Variants in ZNF577 observed in about 807,000 individuals in gnomAD.
ZNF577 encodes zinc finger protein 577.
A neutral mutation model predicts 13.9 loss-of-function variants in ZNF577; 14 were observed. The observed-to-expected ratio is 1.00, with a 90% CI of 0.66 to 1.57. ZNF577 has a LOEUF of 1.57. Ranked by LOEUF, ZNF577 falls within the 40% of genes most tolerant of loss-of-function variation. The pLI, the probability that ZNF577 is intolerant of heterozygous loss-of-function variation, is 0.00. For synonymous variants in ZNF577, 203 were observed against 202.9 expected, an observed-to-expected ratio of 1.00 and a Z score of 0.00; for missense variants, 555 against 579.2, an observed-to-expected ratio of 0.96 and a Z score of 0.43.
At chr19:51,838,242 TC>T (rs1459796700) in intron 9 of ZNF577, among the ~76,000 whole-genome samples, 4 of 152,300 alleles carry the variant, frequency 2.6e-5, no homozygotes, top group Admixed American at 1.3e-4. Context: ...AGTGCATATT[TC>T]TAAAAATCAA....
chr19:51,814,266 A>G (rs1758285583), intron 9 of ZNF577, among the ~76,000 whole-genome samples: 1 of 152,150 alleles, frequency 6.6e-6, no homozygotes, highest in Admixed American at 6.5e-5. Context: ...AATCTCAGAA[A>G]GGGCCCATCT....
chr19:51,849,017 G>A (rs990782587), intron 5 of ZNF577, among the ~76,000 whole-genome samples: 11 of 152,068 alleles, frequency 7.2e-5, no homozygotes, highest in African/African-American at 2.7e-4. Flanking sequence ...GTATGAATCT[G>A]TTTTCTGCAC....
chr19:51,823,975 C>T, intron 9 of ZNF577: 9 of 1,614,024 alleles, frequency 5.6e-6, no homozygotes, highest in African/African-American at 1.3e-5. Flanking sequence ...TCTTTCAGTG[C>T]CATCCTACCA....
chr19:51,875,112 T>C (rs1411083617), intron 5 of ZNF577, among the ~76,000 whole-genome samples: 7 of 152,028 alleles, frequency 4.6e-5, no homozygotes, highest in Admixed American at 3.9e-4. Context: ...TTCACGTCTG[T>C]AGTCCCAGCA....
At chr19:51,823,070 C>T (rs1241660400) in intron 9 of ZNF577, among the ~76,000 whole-genome samples, 1 of 152,058 alleles carries the variant, frequency 6.6e-6, no homozygotes, top group Admixed American at 6.5e-5. Context: ...ACCATGTTGG[C>T]CAGGCCAGTC....
In ZNF577 at chr19:51,887,784, A is replaced by G. The variant is rs2084974602; in HGVS notation, c.-1182T>C. On this transcript the variant is annotated 5_prime_UTR_variant, in exon 1 of 6. Transcript: ENST00000638348. ...GCGCTAGCGAACAACAGAAAAAAAAAAGCGCGCTCTCCCTGCCCCTGAAAC... is the reference window on the plus strand; with the variant it reads ...GCGCTAGCGAACAACAGAAAAAAAAGAGCGCGCTCTCCCTGCCCCTGAAAC... 6.6e-6 allele frequency: 1 copy of G among 151,848 alleles called. No homozygotes were observed. The highest frequency in any genetic ancestry group is 2.1e-4 in the South Asian group (1 of 4,810). The allele number at this position is 151,848 out of a possible 1,614,324, so 9.4% of individuals were successfully genotyped here. A position where few individuals can be genotyped will look rare whatever the true frequency, so the allele number is the denominator to read the frequency against.
chr19:51,842,910 C>T (rs1047762159), exon 8 of ZNF577: 4 of 152,236 alleles, frequency 2.6e-5, no homozygotes, highest in Admixed American at 2.6e-4. Flanking sequence ...GGTAGCTTGA[C>T]AACCTGTCAA....
chr19:51,881,423 A>G (rs1275783538), intron 1 of ZNF577, among the ~76,000 whole-genome samples: 1 of 152,236 alleles, frequency 6.6e-6, no homozygotes, highest in East Asian at 1.9e-4. Context: ...TACTAATCAT[A>G]CAAACCATAA....
At chr19:51,860,814 CTT>C (rs2084489697) in intron 5 of ZNF577, 1 of 305,972 alleles carries the variant, frequency 3.3e-6, no homozygotes, top group African/African-American at 2.3e-5. Flanking sequence ...ACTGGGAAGA[CTT>C]TATCACAATC....
intron 5 of ZNF577, among the ~76,000 whole-genome samples, chr19:51,845,290 T>C (rs2084344905): frequency 6.6e-6 from 1 of 152,076 alleles, no homozygotes; most frequent in African/African-American, 2.4e-5. Context: ...AGGTCGGAGT[T>C]TGAGACCAGC....
chr19:51,882,713 G>A (rs2084881389), intron 1 of ZNF577, among the ~76,000 whole-genome samples: 1 of 152,030 alleles, frequency 6.6e-6, no homozygotes, highest in Non-Finnish European at 1.5e-5. Context: ...GAGCCCAGGA[G>A]TTCCAGGCTG....
At chr19:51,865,572 T>C (rs926892407), downstream of ZNF577, among the ~76,000 whole-genome samples, 10 of 152,214 alleles carry the variant, frequency 6.6e-5, no homozygotes, top group East Asian at 3.8e-4. Context: ...GATGTGTCGA[T>C]TGTGAGAATC....
At chr19:51,823,725 C>T (rs745546213) in intron 9 of ZNF577, 3 of 1,542,076 alleles carry the variant, frequency 1.9e-6, no homozygotes, top group East Asian at 2.3e-5. Flanking sequence ...ATGGCCATTG[C>T]TGAAATGTTT....
chr19:51,878,450 C>A lies in ZNF577; in HGVS notation c.126G>T (p.Gln42His), dbSNP rs754964500. Residue 42 changes from glutamine (Q) to histidine (H), a missense_variant, in exon 4 of 6, where the codon CAG (glutamine) becomes CAT (histidine). By Grantham distance (24) the Gln-to-His change is conservative. Transcript: ENST00000638348. ...FTREEWQFLD[Q>H]SQKVLYKEVM... ...CTTCCTTGTACAAGACCTTCTGAGA[C>A]TGGTCCAAAAACTGCCACTCCTCCC... The A allele has an allele frequency of 1.2e-5, 19 of 1,613,992 alleles. No homozygotes were observed. The highest frequency in any genetic ancestry group is 1.6e-5 in the Non-Finnish European group (19 of 1,180,018).
intron 1 of ZNF577, chr19:51,886,340 G>A (rs957575594): frequency 2.6e-5 from 4 of 152,062 alleles, no homozygotes; most frequent in Admixed American, 1.3e-4. Context: ...CAAGAATGAC[G>A]AACTCACATC....
chr19:51,878,817 T>C, intron 3 of ZNF577: 1 of 274,196 alleles, frequency 3.6e-6, no homozygotes, highest in East Asian at 6.9e-5. Flanking sequence ...TTACAGCACC[T>C]CCATGCTATA....
At chr19:51,832,247 G>A (rs1369497351) in intron 9 of ZNF577, among the ~76,000 whole-genome samples, 1 of 152,056 alleles carries the variant, frequency 6.6e-6, no homozygotes, top group Non-Finnish European at 1.5e-5. Context: ...TTAAGCCTGA[G>A]GTAGACACCT....
At chr19:51,857,007 A>T (rs1183564140) in intron 5 of ZNF577, among the ~76,000 whole-genome samples, 2 of 152,194 alleles carry the variant, frequency 1.3e-5, no homozygotes, top group African/African-American at 4.8e-5. Context: ...CCATGAAGAC[A>T]ACATCTGGGA....
chr19:51,837,361 G>C (rs546504322), intron 9 of ZNF577, among the ~76,000 whole-genome samples: 3 of 152,316 alleles, frequency 2.0e-5, no homozygotes, highest in Non-Finnish European at 4.4e-5. Flanking sequence ...GGTGAACTCT[G>C]ATTGGTTGCT....
Sources: gnomAD v4.1 joint callset for allele counts (sites outside exome capture counted in the v4.1 genomes callset) on GRCh38, gnomAD v4.1.1 for gene constraint, MANE v1.5 for transcripts, NCBI Gene and HGNC (gene_info 2026-07-23, HGNC 2026-07-21) for gene names.